UNC13C: variants seen among roughly 807,000 people sequenced by gnomAD.
UNC13C encodes the protein unc-13 homolog C, also known as protein unc-13 homolog C.
A neutral mutation model predicts 245.4 loss-of-function variants in UNC13C; 174 were observed. The ratio of observed to expected loss-of-function variants is 0.71; its 90% confidence interval spans 0.63 to 0.80. The LOEUF (loss-of-function observed/expected upper bound fraction) is 0.80, where lower values mean the gene tolerates loss of function less well. UNC13C is among the 30% of genes least tolerant of loss of function. The pLI is 0.00. For synonymous variants in UNC13C, 992 were observed against 895.1 expected, an observed-to-expected ratio of 1.11 and a Z score of -1.93; for missense variants, 2,829 against 2,602.9, an observed-to-expected ratio of 1.09 and a Z score of -1.89.
chr15:54,401,074 A>G (rs781377446), intron 18 of UNC13C, among the ~76,000 whole-genome samples: 2 of 152,290 alleles, frequency 1.3e-5, no homozygotes, highest in Middle Eastern at 3.4e-3. Context: ...ACTTTCTTTC[A>G]TTAATTAGGT....
intron 4 of UNC13C, among the ~76,000 whole-genome samples, chr15:54,157,908 G>C (rs1464606670): frequency 6.6e-6 from 1 of 152,142 alleles, no homozygotes; most frequent in African/African-American, 2.4e-5. Context: ...TGTAGAAAGA[G>C]AATTAAATAT....
chr15:54,258,396 C>T lies in UNC13C; in HGVS notation c.3449-5772C>T, dbSNP rs118145928. ...ATTATTTTTTTGAGACAAAGTCCCA[C>T]TCTGTCTCCCAGGTTGGAGTACAGT... On this transcript the variant is annotated intron_variant, in intron 8 of 32. Coordinates refer to ENST00000260323, the MANE Select transcript of UNC13C (RefSeq NM_001080534.3). Among the ~76,000 whole-genome samples the T allele has an allele frequency of 5.8e-3, 882 of 152,270 alleles. 4 individuals are homozygous for T. The highest frequency in any genetic ancestry group is 9.6e-3 in the Non-Finnish European group (653 of 68,016).
chr15:54,570,500 G>C (rs1015944597), intron 30 of UNC13C, among the ~76,000 whole-genome samples: 3 of 152,142 alleles, frequency 2.0e-5, no homozygotes, highest in African/African-American at 7.2e-5. Flanking sequence ...CAATGCTATG[G>C]CTTGTTGTAA....
intron 2 of UNC13C, among the ~76,000 whole-genome samples, chr15:54,068,834 A>T (rs1475437217): frequency 6.6e-6 from 1 of 152,162 alleles, no homozygotes; most frequent in Non-Finnish European, 1.5e-5. Context: ...TGATCCTATA[A>T]TGAGGGCAAA....
At chr15:54,361,104 CTTAATTCA>C (rs2039220214) in intron 17 of UNC13C, among the ~76,000 whole-genome samples, 1 of 152,060 alleles carries the variant, frequency 6.6e-6, no homozygotes, top group African/African-American at 2.4e-5. Context: ...TTTGGTGAAA[CTTAATTCA>C]CTTGATGGTG....
chr15:54,378,397 C>T (rs757717834), intron 17 of UNC13C, among the ~76,000 whole-genome samples: 4 of 151,850 alleles, frequency 2.6e-5, no homozygotes, highest in Non-Finnish European at 5.9e-5. Context: ...TGTAATTTAC[C>T]TAAAGAGAAA....
chr15:54,241,518 G>C (rs1277145741), intron 7 of UNC13C, among the ~76,000 whole-genome samples: 2 of 152,074 alleles, frequency 1.3e-5, no homozygotes, highest in Non-Finnish European at 2.9e-5. Flanking sequence ...GAAGTGAAAG[G>C]GGCCTGAATT....
intron 13 of UNC13C, among the ~76,000 whole-genome samples, chr15:54,319,398 A>C (rs1048696595): frequency 6.6e-6 from 1 of 151,846 alleles, no homozygotes; most frequent in Non-Finnish European, 1.5e-5. Flanking sequence ...TGGATTCTTA[A>C]TACATATTAA....
At chr15:53,990,949 G>A (rs906757602) in intron 1 of UNC13C, among the ~76,000 whole-genome samples, 1 of 152,030 alleles carries the variant, frequency 6.6e-6, no homozygotes, top group Non-Finnish European at 1.5e-5. Flanking sequence ...TAATGACAGA[G>A]AACGAAGTTG....
At chr15:54,319,465 C>T (rs2038093312) in intron 13 of UNC13C, among the ~76,000 whole-genome samples, 1 of 151,822 alleles carries the variant, frequency 6.6e-6, no homozygotes, top group Non-Finnish European at 1.5e-5. Context: ...CTTAAAGAAG[C>T]AGTCATTAAT....
chr15:54,498,223 AC>A (rs1378767639), intron 20 of UNC13C, among the ~76,000 whole-genome samples: 1 of 152,088 alleles, frequency 6.6e-6, no homozygotes, highest in African/African-American at 2.4e-5. Flanking sequence ...ATAAACAAAA[AC>A]AATAAAATAC....
the UNC13C span, among the ~76,000 whole-genome samples, chr15:53,874,669 A>G: frequency 1.3e-5 from 2 of 152,190 alleles, no homozygotes; most frequent in Non-Finnish European, 2.9e-5. Context: ...CCTTCAATAC[A>G]TAGCTCAATA....
At chr15:53,870,868 A>G in the UNC13C span, among the ~76,000 whole-genome samples, 2,596 of 152,156 alleles carry the variant, frequency 0.017, 50 homozygotes, top group East Asian at 0.083. Flanking sequence ...CCATACTTCT[A>G]CTCTAGGATG....
rs1426210622 is a variant in UNC13C at position 54,015,421 on chromosome 15, A to G, written c.2518A>G (p.Thr840Ala). 4.3e-6 allele frequency: 7 copies of G among 1,613,728 alleles called. No individual in the cohort carries two copies. The Middle Eastern group carries it at 8.3e-4, about 190-fold the overall frequency. ...MGRFRTLSQS[T>A]ANESSTTLDS... ...GAGATTTCGGACATTATCTCAATCA[A>G]CTGCAAATGAGTCAAGTACCACACT... The change falls in exon 2 of 33, where the codon ACT becomes GCT. Residue 840 changes from threonine (T) to alanine (A), a missense_variant. Coordinates refer to ENST00000260323, the MANE Select transcript of UNC13C (RefSeq NM_001080534.3).
intron 4 of UNC13C, among the ~76,000 whole-genome samples, chr15:54,184,498 A>C (rs186507737): frequency 6.6e-6 from 1 of 151,932 alleles, no homozygotes; most frequent in Admixed American, 6.6e-5. Flanking sequence ...ATTCCCACCT[A>C]TGAGTGAGAA....
At chr15:53,970,629 TG>T in the UNC13C span, among the ~76,000 whole-genome samples, 372 of 152,128 alleles carry the variant, frequency 2.4e-3, 2 homozygotes, top group Admixed American at 0.023. Flanking sequence ...AGCTGAACGA[TG>T]AGAACAGATG....
chr15:54,614,233 C>A (rs1900282677), intron 30 of UNC13C, among the ~76,000 whole-genome samples: 1 of 151,906 alleles, frequency 6.6e-6, no homozygotes, highest in South Asian at 2.1e-4. Flanking sequence ...GTGTCTTATT[C>A]TGTTTTAACA....
chr15:53,920,430 T>C, the UNC13C span, among the ~76,000 whole-genome samples: 1 of 152,130 alleles, frequency 6.6e-6, no homozygotes, highest in Non-Finnish European at 1.5e-5. Context: ...GGTGTGTGCC[T>C]GTAATCTCAG....
intron 4 of UNC13C, among the ~76,000 whole-genome samples, chr15:54,171,478 A>G (rs1325931444): frequency 6.6e-6 from 1 of 152,140 alleles, no homozygotes; most frequent in African/African-American, 2.4e-5. Context: ...AAGACAAACA[A>G]ATGGCAAACA....
Sources: gnomAD v4.1 joint callset for allele counts (sites outside exome capture counted in the v4.1 genomes callset) on GRCh38, gnomAD v4.1.1 for gene constraint, MANE v1.5 for transcripts, NCBI Gene and HGNC (gene_info 2026-07-23, HGNC 2026-07-21) for gene names.